PPP2R2C: variants seen among roughly 807,000 people sequenced by gnomAD.
PPP2R2C encodes the protein protein phosphatase 2, regulatory subunit B, gamma.
In PPP2R2C, 10 loss-of-function variants were observed where a neutral mutation model predicts 45.3. The ratio of observed to expected loss-of-function variants is 0.22; its 90% CI spans 0.14 to 0.37. PPP2R2C has a LOEUF of 0.37. PPP2R2C is among the 10% of genes least tolerant of loss of function. The pLI, the probability that PPP2R2C is intolerant of heterozygous loss-of-function variation, is 1.00. For missense variants in PPP2R2C, 308 were observed against 619.7 expected (o/e 0.50, Z 5.34); for synonymous variants, 257 against 245.4 (o/e 1.05, Z -0.44).
At chr4:6,374,107 C>T (rs921678868) in intron 4 of PPP2R2C, among the ~76,000 whole-genome samples, 7 of 152,156 alleles carry the variant, frequency 4.6e-5, no homozygotes, top group African/African-American at 1.7e-4. Context: ...CCTTCCCTTC[C>T]TTCGGGGTGC....
chr4:6,532,478 G>A (rs1724436421), intron 2 of PPP2R2C, among the ~76,000 whole-genome samples: 1 of 152,200 alleles, frequency 6.6e-6, no homozygotes, highest in Admixed American at 6.5e-5. Flanking sequence ...AAACAAAGGG[G>A]CAGAACTCAT....
intron 1 of PPP2R2C, among the ~76,000 whole-genome samples, chr4:6,415,900 T>C (rs1488147240): frequency 6.6e-6 from 1 of 152,182 alleles, no homozygotes; most frequent in East Asian, 1.9e-4. Context: ...GCATTCTTCT[T>C]CTAAACCTTC....
chr4:6,509,475 C>CA (rs71646649), intron 2 of PPP2R2C, among the ~76,000 whole-genome samples: 12,628 of 148,372 alleles, frequency 0.085, 549 homozygotes, highest in Non-Finnish European at 0.099. Flanking sequence ...GAGCCTCTGG[C>CA]AAAAAAAAAA....
intron 2 of PPP2R2C, among the ~76,000 whole-genome samples, chr4:6,514,166 T>C (rs545833792): frequency 6.6e-6 from 1 of 152,226 alleles, no homozygotes; most frequent in Non-Finnish European, 1.5e-5. Flanking sequence ...ATTCTTTTCC[T>C]ATGTATCTAA....
upstream of PPP2R2C, among the ~76,000 whole-genome samples, chr4:6,475,465 A>G (rs1044012824): frequency 6.6e-6 from 1 of 152,014 alleles, no homozygotes; most frequent in Admixed American, 6.6e-5. Flanking sequence ...GTACAGCTAC[A>G]CTCGCCATCT....
intron 2 of PPP2R2C, among the ~76,000 whole-genome samples, chr4:6,488,989 A>G (rs1441523149): frequency 6.6e-6 from 1 of 152,128 alleles, no homozygotes; most frequent in East Asian, 1.9e-4. Flanking sequence ...TGAGCACTCA[A>G]GTTGGACTTC....
At chr4:6,522,314 C>T (rs866024508) in intron 2 of PPP2R2C, among the ~76,000 whole-genome samples, 137 of 152,330 alleles carry the variant, frequency 9.0e-4, no homozygotes, top group African/African-American at 3.2e-3. Context: ...TTCAAATGAA[C>T]ATAACCCCAG....
chr4:6,549,167 T>C (rs144514216), intron 1 of PPP2R2C, among the ~76,000 whole-genome samples: 8 of 152,202 alleles, frequency 5.3e-5, no homozygotes, highest in Middle Eastern at 3.4e-3. Context: ...TCCAAAGTCA[T>C]CCCCTGGTTC....
intron 1 of PPP2R2C, among the ~76,000 whole-genome samples, chr4:6,448,859 G>A (rs1004175476): frequency 6.6e-6 from 1 of 152,204 alleles, no homozygotes; most frequent in African/African-American, 2.4e-5. Context: ...AAGGCTCACG[G>A]AGGTCCTGCT....
At chr4:6,382,600 G>T (rs1159836094) in intron 1 of PPP2R2C, 2 of 1,142,574 alleles carry the variant, frequency 1.8e-6, no homozygotes, top group Non-Finnish European at 2.3e-6. Context: ...ACTTGCTCAG[G>T]CCCAAGCCTT....
intron 1 of PPP2R2C, among the ~76,000 whole-genome samples, chr4:6,423,770 G>A (rs1240326542): frequency 6.6e-6 from 1 of 152,206 alleles, no homozygotes; most frequent in Non-Finnish European, 1.5e-5. Context: ...TGTGTTTGAG[G>A]AACTGAAAGA....
At chr4:6,453,894 G>C (rs982195002) in intron 1 of PPP2R2C, among the ~76,000 whole-genome samples, 1 of 152,168 alleles carries the variant, frequency 6.6e-6, no homozygotes, top group Non-Finnish European at 1.5e-5. Flanking sequence ...GCGGTGGCAG[G>C]CTGCACCCCC....
chr4:6,346,533 G>T (rs1025494841), intron 6 of PPP2R2C, among the ~76,000 whole-genome samples: 1 of 152,146 alleles, frequency 6.6e-6, no homozygotes, highest in Non-Finnish European at 1.5e-5. Context: ...TGTCTCCCCC[G>T]CAGACGCCAG....
At chr4:6,356,056 G>T (rs910637515) in intron 5 of PPP2R2C, among the ~76,000 whole-genome samples, 1 of 149,954 alleles carries the variant, frequency 6.7e-6, no homozygotes, top group Non-Finnish European at 1.5e-5. Context: ...CGTGCTGCGG[G>T]TCCAGTGAAG....
chr4:6,345,438 G>C lies in PPP2R2C; in HGVS notation c.790+2408C>G, dbSNP rs577988494. ...AAAATAAGGCCAAAGATGAAATCAA[G>C]GACGCAACTCAGCCAACCTTGAGAT... On this transcript the variant is annotated intron_variant, in intron 6 of 8. Coordinates refer to ENST00000382599, the MANE Select transcript of PPP2R2C (RefSeq NM_020416.4). This position sits in a 1 kb window ranked among gnomAD's most constrained non-coding sequence, Gnocchi z 5.3. Among the ~76,000 whole-genome samples the C allele has an allele frequency of 4.6e-5, 7 of 152,314 alleles. No individual in the cohort carries two copies. In the East Asian group the frequency reaches 1.3e-3, roughly 29 times the overall value.
intron 5 of PPP2R2C, among the ~76,000 whole-genome samples, chr4:6,363,110 C>A (rs1183285661): frequency 1.3e-5 from 2 of 152,142 alleles, no homozygotes; most frequent in South Asian, 2.1e-4. Context: ...ACGGGGTCAG[C>A]ACCATGGACA....
chr4:6,348,653 A>G, intron 5 of PPP2R2C: 1 of 985,352 alleles, frequency 1.0e-6, no homozygotes, highest in South Asian at 4.7e-5. Flanking sequence ...GAATACTGAA[A>G]AGGCTGGGAT....
rs115944668 is a variant in PPP2R2C at position 6,524,370 on chromosome 4, C to T, written c.49+10901G>A. The stretch of plus-strand genomic sequence containing the variant: ...CAGATTCACCGCAACAGAAAGTGGA[C>T]TCATGGTTGCCAGGGACTAGAAGGA... On this transcript the variant is annotated intron_variant, in intron 2 of 9. Transcript: ENST00000506140. Among the ~76,000 whole-genome samples, 1,071 of 152,296 alleles carry T rather than the reference C, an allele frequency of 7.0e-3. 15 individuals are homozygous for T. Among genetic ancestry groups the T allele is most frequent in the African/African-American group, 0.024 (1,016 of 41,540 alleles).
intron 1 of PPP2R2C, among the ~76,000 whole-genome samples, chr4:6,410,547 C>T (rs1042458804): frequency 2.0e-5 from 3 of 152,098 alleles, no homozygotes; most frequent in African/African-American, 7.2e-5. Flanking sequence ...CAGAGAGGCA[C>T]GCCAGGTGGT....
Sources: gnomAD v4.1 joint callset for allele counts (sites outside exome capture counted in the v4.1 genomes callset) on GRCh38, gnomAD v4.1.1 for gene constraint, Gnocchi (gnomAD v3.1) non-coding constraint, MANE v1.5 for transcripts, NCBI Gene and HGNC (gene_info 2026-07-23, HGNC 2026-07-21) for gene names.